The following IL7 variants were observed in gnomAD, a reference collection of about 807,000 sequenced individuals.
The protein encoded by IL7 is interleukin 7, also known as interleukin-7.
In IL7, 3 loss-of-function variants were observed where a neutral mutation model predicts 21.6. That is an observed-to-expected ratio of 0.14 (90% CI 0.06 to 0.36). The LOEUF is 0.36. Among genes scored for constraint, IL7 ranks in the 10% least tolerant of loss-of-function variants. IL7 has a pLI of 1.00. For missense variants in IL7, 175 were observed against 200.2 expected (o/e 0.87, Z 0.76); for synonymous variants, 62 against 68.1 (o/e 0.91, Z 0.44).
chr8:78,783,689 A>G (rs1187423210), intron 2 of IL7, among the ~76,000 whole-genome samples: 1 of 152,220 alleles, frequency 6.6e-6, no homozygotes, highest in Non-Finnish European at 1.5e-5. Flanking sequence ...ATAACTATTT[A>G]CTTGAACTTT....
exon 4 of IL7, chr8:78,721,409 T>C (rs1208122089): frequency 1.3e-5 from 2 of 152,058 alleles, no homozygotes; most frequent in Non-Finnish European, 2.9e-5. Context: ...GTTTGATCTG[T>C]AAAATGTGAA....
downstream of IL7, among the ~76,000 whole-genome samples, chr8:78,675,173 T>C (rs1357327249): frequency 6.6e-6 from 1 of 151,722 alleles, no homozygotes; most frequent in African/African-American, 2.4e-5. Context: ...GCTACCTCTT[T>C]ATTTAATTTT....
At chr8:78,707,063 A>G (rs577784146) in intron 3 of IL7, among the ~76,000 whole-genome samples, 371 of 152,340 alleles carry the variant, frequency 2.4e-3, no homozygotes, top group Non-Finnish European at 4.1e-3. Context: ...TTCTTCTCCA[A>G]TGAGTTGACT....
At chr8:78,691,773 T>G (rs1220129363) in intron 3 of IL7, among the ~76,000 whole-genome samples, 1 of 152,170 alleles carries the variant, frequency 6.6e-6, no homozygotes, top group African/African-American at 2.4e-5. Flanking sequence ...CCCATATCTA[T>G]GGATATTTTT....
At chr8:78,767,240 T>G in intron 2 of IL7, among the ~76,000 whole-genome samples, 1 of 151,716 alleles carries the variant, frequency 6.6e-6, no homozygotes, top group Non-Finnish European at 1.5e-5. Flanking sequence ...GTGTCTGTGT[T>G]TATCTCTTAT....
At chr8:78,754,141 A>C (rs529109116) in intron 2 of IL7, among the ~76,000 whole-genome samples, 1 of 152,214 alleles carries the variant, frequency 6.6e-6, no homozygotes, top group African/African-American at 2.4e-5. Context: ...TTGTATATTT[A>C]GAAAACCTCA....
intron 3 of IL7, 120 bp from the exon 4 acceptor site, chr8:78,738,755 G>C (rs1198455853): frequency 3.8e-6 from 3 of 782,762 alleles, no homozygotes; most frequent in African/African-American, 3.5e-5. Flanking sequence ...CTCCACCCCA[G>C]CTTTCTATTC....
intron 2 of IL7, chr8:78,746,802 A>G: frequency 2.9e-6 from 1 of 341,358 alleles, no homozygotes; most frequent in Non-Finnish European, 5.7e-6. Flanking sequence ...ACTGACTGAT[A>G]GAGAACTATT....
At chr8:78,690,767 T>A (rs1419864486) in intron 3 of IL7, among the ~76,000 whole-genome samples, 6 of 152,158 alleles carry the variant, frequency 3.9e-5, no homozygotes. Context: ...GGTTTTATTT[T>A]AGCAGTGTTT....
intron 2 of IL7, among the ~76,000 whole-genome samples, chr8:78,751,387 G>A (rs1812167473): frequency 6.6e-6 from 1 of 152,188 alleles, no homozygotes; most frequent in African/African-American, 2.4e-5. Flanking sequence ...TTTAAATTAT[G>A]TACTCTGTGA....
At chr8:78,775,793 G>C (rs1235898347) in intron 2 of IL7, among the ~76,000 whole-genome samples, 2 of 152,054 alleles carry the variant, frequency 1.3e-5, no homozygotes, top group Non-Finnish European at 2.9e-5. Context: ...AGGTAACTGG[G>C]GGGGCGCTTA....
intron 4 of IL7, among the ~76,000 whole-genome samples, chr8:78,682,537 C>G (rs747809842): frequency 9.9e-5 from 15 of 152,088 alleles, no homozygotes; most frequent in Non-Finnish European, 1.9e-4. Flanking sequence ...GAGCACAACA[C>G]AGGAAAAACC....
At chr8:78,762,437 C>G in intron 2 of IL7, 2 of 1,579,782 alleles carry the variant, frequency 1.3e-6, no homozygotes, top group Non-Finnish European at 1.7e-6. Flanking sequence ...GGCATCGTCG[C>G]CCGCCCGCCG....
chr8:78,742,365 A>G (rs187453402), intron 2 of IL7, among the ~76,000 whole-genome samples: 16 of 152,188 alleles, frequency 1.1e-4, no homozygotes, highest in Non-Finnish European at 2.2e-4. Flanking sequence ...CATATATCAC[A>G]TATGTCAAGA....
intron 4 of IL7, among the ~76,000 whole-genome samples, chr8:78,680,736 A>G (rs117742057): frequency 0.011 from 1,749 of 152,262 alleles, 18 homozygotes; most frequent in Middle Eastern, 0.037. Context: ...GAGGTATAGG[A>G]AATTGCTTGG....
At chr8:78,713,009 A>C (rs1223013395), downstream of IL7, among the ~76,000 whole-genome samples, 2 of 152,152 alleles carry the variant, frequency 1.3e-5, no homozygotes, top group East Asian at 3.9e-4. Context: ...TAGCAGGAAG[A>C]GTTTGTGCTG....
At chr8:78,731,596 T>C (rs1042155329), downstream of IL7, among the ~76,000 whole-genome samples, 1 of 151,874 alleles carries the variant, frequency 6.6e-6, no homozygotes. Flanking sequence ...CTTTAGAAAA[T>C]GCTGACTTAA....
chr8:78,739,233 C>A (rs571026909), intron 3 of IL7, among the ~76,000 whole-genome samples: 1 of 152,112 alleles, frequency 6.6e-6, no homozygotes, highest in Non-Finnish European at 1.5e-5. Flanking sequence ...ATGATATAAA[C>A]TTTTTAGGTT....
At chr8:78,736,288 T>G (rs1488726208) in intron 5 of IL7, among the ~76,000 whole-genome samples, 186 bp downstream of exon 5, 1 of 151,652 alleles carries the variant, frequency 6.6e-6, no homozygotes, top group Non-Finnish European at 1.5e-5. Flanking sequence ...TTTAAAATAG[T>G]GGGTTTAAAA....
Sources: allele counts gnomAD v4.1 joint callset (sites outside exome capture counted in the v4.1 genomes callset), GRCh38; gene constraint gnomAD v4.1.1; transcripts MANE v1.5; gene names NCBI Gene and HGNC (gene_info 2026-07-23, HGNC 2026-07-21).